The following SOX6 variants were observed in gnomAD, a reference collection of about 807,000 sequenced individuals.
SOX6 encodes the protein SRY-box transcription factor 6, also known as transcription factor SOX-6.
A neutral mutation model predicts 97.8 loss-of-function variants in SOX6; 11 were observed. That is an observed-to-expected ratio of 0.11 (90% CI 0.07 to 0.19). The LOEUF is 0.19. SOX6 is among the 10% of genes least tolerant of loss of function. The probability of loss-of-function intolerance (pLI) is 1.00; values close to 1 mark genes in which losing one functional copy is unlikely to be tolerated. For synonymous variants in SOX6, 360 were observed against 371.4 expected (o/e 0.97, Z 0.35); for missense variants, 810 against 1,039.5 (o/e 0.78, Z 3.04).
At chr11:16,437,919 G>C (rs1375056510) in intron 1 of SOX6, among the ~76,000 whole-genome samples, 2 of 152,138 alleles carry the variant, frequency 1.3e-5, no homozygotes, top group South Asian at 4.1e-4. Flanking sequence ...AGTTGTTATT[G>C]TAAAAATATA....
At chr11:16,721,394 G>A (rs1196042738) in intron 2 of SOX6, among the ~76,000 whole-genome samples, 1 of 152,092 alleles carries the variant, frequency 6.6e-6, no homozygotes, top group Non-Finnish European at 1.5e-5. Context: ...CTCCCCCAAG[G>A]GGGAAACTTG....
intron 1 of SOX6, among the ~76,000 whole-genome samples, chr11:16,454,278 T>G (rs1310516340): frequency 2.0e-5 from 3 of 152,088 alleles, no homozygotes; most frequent in African/African-American, 7.2e-5. Context: ...CAGAGATAGT[T>G]AGCAGTTAAA....
chr11:16,105,481 T>C (rs577490080), intron 7 of SOX6, among the ~76,000 whole-genome samples: 96 of 152,050 alleles, frequency 6.3e-4, no homozygotes, highest in Non-Finnish European at 1.2e-3. Context: ...GGTAGAAAGA[T>C]TGCTTGAAGC....
intron 4 of SOX6, among the ~76,000 whole-genome samples, chr11:16,212,811 A>G (rs994626701): frequency 1.3e-5 from 2 of 152,148 alleles, no homozygotes; most frequent in African/African-American, 4.8e-5. Flanking sequence ...TATTCTTCAG[A>G]CATCCTCTTC....
chr11:16,313,675 T>C (rs1855674772), intron 3 of SOX6: 1 of 152,140 alleles, frequency 6.6e-6, no homozygotes, highest in Non-Finnish European at 1.5e-5. Flanking sequence ...ATTATGCTAT[T>C]CTATACTATG....
At chr11:16,408,380 G>C (rs139264391) in intron 1 of SOX6, among the ~76,000 whole-genome samples, 1 of 151,818 alleles carries the variant, frequency 6.6e-6, no homozygotes, top group African/African-American at 2.4e-5. Flanking sequence ...AGGAAAGCTC[G>C]AACTCCTTAA....
intron 6 of SOX6, among the ~76,000 whole-genome samples, chr11:16,174,745 A>T (rs1851138381): frequency 6.6e-6 from 1 of 151,894 alleles, no homozygotes; most frequent in Admixed American, 6.6e-5. Flanking sequence ...CTTTATTTTC[A>T]GCAAGAAGGA....
At chr11:16,681,066 C>T (rs557690318) in intron 3 of SOX6, among the ~76,000 whole-genome samples, 4 of 152,106 alleles carry the variant, frequency 2.6e-5, no homozygotes, top group South Asian at 2.1e-4. Context: ...AGAAGGAAAA[C>T]AAGGATATCC....
intron 6 of SOX6, among the ~76,000 whole-genome samples, chr11:16,132,393 AGAAAGAAAAAAGAAAGAAAG>A (rs1564972249): frequency 2.8e-4 from 23 of 82,612 alleles, no homozygotes; most frequent in East Asian, 1.0e-3. Flanking sequence ...AAAGAAAGAA[AGAAAGAAAAAAGAAAGAAAG>A]AAAGAAAGAA....
At chr11:16,584,818 A>T (rs1387500130) in intron 4 of SOX6, among the ~76,000 whole-genome samples, 1 of 152,156 alleles carries the variant, frequency 6.6e-6, no homozygotes, top group Non-Finnish European at 1.5e-5. Flanking sequence ...TGGCCTAGAA[A>T]TCTAGTCTGC....
intron 4 of SOX6, among the ~76,000 whole-genome samples, chr11:16,540,939 A>G (rs1861397148): frequency 6.6e-6 from 1 of 152,206 alleles, no homozygotes; most frequent in Non-Finnish European, 1.5e-5. Context: ...TCAAGCTACC[A>G]ATGACTTTCT....
intron 6 of SOX6, among the ~76,000 whole-genome samples, chr11:16,116,174 T>G (rs1849342952): frequency 6.6e-6 from 1 of 152,154 alleles, no homozygotes; most frequent in African/African-American, 2.4e-5. Flanking sequence ...TCTAATTACA[T>G]AAGTAATAAT....
At chr11:15,988,918 TC>T in intron 14 of SOX6, 78 bp downstream of exon 14, 2 of 1,373,152 alleles carry the variant, frequency 1.5e-6, no homozygotes, top group South Asian at 2.4e-5. Context: ...ATCCTAGTTA[TC>T]CCCTTGCTTC....
chr11:16,020,817 A>G (rs981667107), intron 12 of SOX6, among the ~76,000 whole-genome samples: 20 of 152,126 alleles, frequency 1.3e-4, no homozygotes, highest in Admixed American at 1.2e-3. Flanking sequence ...ACATCAAAAG[A>G]TTTTTCAAGC....
intron 12 of SOX6, among the ~76,000 whole-genome samples, chr11:16,025,272 C>A (rs2133876715): frequency 6.6e-6 from 1 of 152,264 alleles, no homozygotes. Context: ...TGTACAGAGG[C>A]ATGATGCAGA....
intron 1 of SOX6, among the ~76,000 whole-genome samples, chr11:16,437,201 C>G (rs954290376): frequency 6.6e-6 from 1 of 151,260 alleles, no homozygotes; most frequent in African/African-American, 2.4e-5. Flanking sequence ...CCCAAGAGCT[C>G]AAGGCTGAAG....
At chr11:16,538,764 A>G (rs1320245512) in intron 4 of SOX6, among the ~76,000 whole-genome samples, 1 of 152,256 alleles carries the variant, frequency 6.6e-6, no homozygotes, top group Non-Finnish European at 1.5e-5. Context: ...CAATTCAACA[A>G]GAAGAGCTAA....
intron 3 of SOX6, among the ~76,000 whole-genome samples, chr11:16,275,931 A>G (rs1257011318): frequency 1.3e-5 from 2 of 152,144 alleles, no homozygotes; most frequent in African/African-American, 4.8e-5. Context: ...TTCTCTTTTT[A>G]CCTATAGTGG....
chr11:16,410,779 A>G (rs7115004), intron 1 of SOX6, among the ~76,000 whole-genome samples: 5 of 150,062 alleles, frequency 3.3e-5, no homozygotes, highest in African/African-American at 9.8e-5. Context: ...AAAAAAAAAA[A>G]GATATGAACA....
Sources: allele counts gnomAD v4.1 joint callset (sites outside exome capture counted in the v4.1 genomes callset), GRCh38; gene constraint gnomAD v4.1.1; transcripts MANE v1.5; gene names NCBI Gene and HGNC (gene_info 2026-07-23, HGNC 2026-07-21).